The following TCF4 variants were observed in gnomAD, a reference collection of about 807,000 sequenced individuals.
TCF4 encodes the protein SL3-3 enhancer factor 2.
Under a neutral mutation model 82.1 loss-of-function variants are expected in TCF4, and 3 were observed. The observed-to-expected ratio is 0.04, with a 90% CI of 0.02 to 0.09. TCF4 has a LOEUF of 0.09. Among genes scored for constraint, TCF4 ranks in the 10% least tolerant of loss-of-function variants. TCF4 has a pLI of 1.00. For missense variants in TCF4, 518 were observed against 852.7 expected (o/e 0.61, Z 4.89); for synonymous variants, 276 against 309.6 (o/e 0.89, Z 1.14).
At chr18:55,502,142 A>T (rs2096709036) in intron 3 of TCF4, among the ~76,000 whole-genome samples, 2 of 152,178 alleles carry the variant, frequency 1.3e-5, no homozygotes, top group African/African-American at 4.8e-5. Context: ...TCTAACCTGG[A>T]ATTTCCAGGA....
intron 15 of TCF4, among the ~76,000 whole-genome samples, chr18:55,241,418 C>A (rs1568388700): frequency 6.6e-6 from 1 of 152,148 alleles, no homozygotes; most frequent in African/African-American, 2.4e-5. Flanking sequence ...TGGTATGGAA[C>A]TAAAGTTAAT....
At chr18:55,617,293 T>C (rs62091176) in intron 2 of TCF4, among the ~76,000 whole-genome samples, 22 of 152,108 alleles carry the variant, frequency 1.4e-4, no homozygotes, top group Non-Finnish European at 2.5e-4. Flanking sequence ...TATTGGTCTA[T>C]AGATCTTTTT....
intron 8 of TCF4, among the ~76,000 whole-genome samples, chr18:55,337,503 A>G (rs2078906891): frequency 6.6e-6 from 1 of 152,196 alleles, no homozygotes; most frequent in South Asian, 2.1e-4. Flanking sequence ...AAATTCTACC[A>G]AACTCTCTTC....
At chr18:55,258,959 T>C (rs1408009833) in intron 13 of TCF4, among the ~76,000 whole-genome samples, 4 of 152,158 alleles carry the variant, frequency 2.6e-5, no homozygotes, top group African/African-American at 9.6e-5. Context: ...AGAATCCCAC[T>C]GCCCTCTCTA....
chr18:55,587,955 AGCCGCGTGCGGG>A (rs2097668228), intron 1 of TCF4, 71 bp downstream of exon 1: 2 of 932,080 alleles, frequency 2.1e-6, no homozygotes, highest in Non-Finnish European at 2.5e-6. Flanking sequence ...GGAGGCGCGG[AGCCGCGTGCGGG>A]GCCGCCGAGC....
chr18:55,406,327 T>C (rs865925760), intron 5 of TCF4, among the ~76,000 whole-genome samples: 2 of 152,126 alleles, frequency 1.3e-5, no homozygotes, highest in Middle Eastern at 3.4e-3. Flanking sequence ...GAACCCCTGT[T>C]TGGGAGCAAA....
intron 6 of TCF4, among the ~76,000 whole-genome samples, chr18:55,386,169 G>T (rs2092588550): frequency 6.6e-6 from 1 of 152,166 alleles, no homozygotes; most frequent in Non-Finnish European, 1.5e-5. Flanking sequence ...CCCACCCAGG[G>T]AGTCCCCACG....
chr18:55,401,320 A>G, intron 6 of TCF4: 1 of 1,172,896 alleles, frequency 8.5e-7, no homozygotes, highest in South Asian at 1.7e-5. Context: ...GATTGCTGCG[A>G]CCACGCTAAG....
intron 15 of TCF4, among the ~76,000 whole-genome samples, chr18:55,239,056 C>T (rs1013504646): frequency 2.6e-5 from 4 of 152,170 alleles, no homozygotes; most frequent in African/African-American, 9.7e-5. Context: ...GTCTGAGTTA[C>T]ATTGTATCTT....
At chr18:55,302,390 C>T in intron 8 of TCF4, 2 of 1,535,500 alleles carry the variant, frequency 1.3e-6, no homozygotes, top group Non-Finnish European at 1.7e-6. Flanking sequence ...TCAGGATAGA[C>T]CACTTTGGGG....
intron 3 of TCF4, among the ~76,000 whole-genome samples, chr18:55,559,639 T>TAAA (rs34935191): frequency 5.2e-4 from 78 of 148,706 alleles, no homozygotes; most frequent in Admixed American, 8.7e-4. Context: ...GTTTTTTCTT[T>TAAA]AAAAAAAAAA....
chr18:55,320,744 C>A (rs1192460383), intron 8 of TCF4: 1 of 152,240 alleles, frequency 6.6e-6, no homozygotes, highest in African/African-American at 2.4e-5. Context: ...CTGCTTTTCA[C>A]TTTTCTCTCA....
chr18:55,397,404 GC>G (rs1239001183), intron 6 of TCF4, among the ~76,000 whole-genome samples: 1 of 152,104 alleles, frequency 6.6e-6, no homozygotes, highest in African/African-American at 2.4e-5. Flanking sequence ...AGGACAGTTG[GC>G]CTGGTCTCTT....
intron 8 of TCF4, among the ~76,000 whole-genome samples, chr18:55,341,171 C>T (rs2079868328): frequency 6.6e-6 from 1 of 152,142 alleles, no homozygotes; most frequent in South Asian, 2.1e-4. Context: ...GTCTGAAACG[C>T]TAGGCAGCAT....
chr18:55,545,368 T>C (rs982912015), intron 3 of TCF4, among the ~76,000 whole-genome samples: 7 of 152,216 alleles, frequency 4.6e-5, no homozygotes, highest in African/African-American at 1.4e-4. Flanking sequence ...GAAATGAACC[T>C]TGGCTCTTAA....
At chr18:55,600,399 T>C (rs542635802) in intron 2 of TCF4, among the ~76,000 whole-genome samples, 1 of 152,364 alleles carries the variant, frequency 6.6e-6, no homozygotes, top group African/African-American at 2.4e-5. Context: ...TAGATTTATA[T>C]ATTGCTGCTG....
intron 5 of TCF4, among the ~76,000 whole-genome samples, chr18:55,409,024 A>G (rs1454939280): frequency 6.6e-6 from 1 of 152,218 alleles, no homozygotes; most frequent in Non-Finnish European, 1.5e-5. Flanking sequence ...ATTCTGTGAC[A>G]TCTTACAATA....
At chr18:55,546,422 A>T (rs532364601) in intron 3 of TCF4, among the ~76,000 whole-genome samples, 26 of 152,338 alleles carry the variant, frequency 1.7e-4, no homozygotes, top group African/African-American at 6.0e-4. Context: ...AAAGTAAAAG[A>T]ATCATAATGA....
chr18:55,495,688 A>G (rs569612278), intron 3 of TCF4: 14 of 152,300 alleles, frequency 9.2e-5, no homozygotes, highest in Admixed American at 2.0e-4. Flanking sequence ...AAAAATACAC[A>G]TTTAACAGGC....
Sources: allele counts gnomAD v4.1 joint callset (sites outside exome capture counted in the v4.1 genomes callset), GRCh38; gene constraint gnomAD v4.1.1; transcripts MANE v1.5; gene names NCBI Gene and HGNC (gene_info 2026-07-23, HGNC 2026-07-21).